Variants in NEBL observed in about 807,000 individuals in gnomAD.
The protein encoded by NEBL is LIM and SH3 protein 2.
NEBL carries 122 observed loss-of-function variants against 140.2 expected under a neutral mutation model. That is an observed-to-expected ratio of 0.87 (90% CI 0.75 to 1.01). NEBL has a LOEUF of 1.01. Ranked by LOEUF, NEBL falls within the 50% of genes least tolerant of loss-of-function variation. The probability of loss-of-function intolerance (pLI) is 0.00; values close to 1 mark genes in which losing one functional copy is unlikely to be tolerated. For synonymous variants in NEBL, 436 were observed against 398.9 expected, an observed-to-expected ratio of 1.09 and a Z score of -1.11; for missense variants, 1,365 against 1,231.3, an observed-to-expected ratio of 1.11 and a Z score of -1.62.
intron 1 of NEBL, among the ~76,000 whole-genome samples, chr10:21,288,288 T>C (rs1843088092): frequency 6.6e-6 from 1 of 151,738 alleles, no homozygotes; most frequent in Non-Finnish European, 1.5e-5. Flanking sequence ...GCCAACATAA[T>C]GAAACCCTGT....
At chr10:21,205,105 G>T (rs539544903) in intron 3 of NEBL, among the ~76,000 whole-genome samples, 6 of 152,276 alleles carry the variant, frequency 3.9e-5, no homozygotes, top group Middle Eastern at 6.8e-3. Context: ...ATGAAAACAA[G>T]AATTTATCAG....
rs547980665 is a variant in NEBL, at chr10:21,215,212, G to A, written n.348+32709C>T. On this transcript the variant is annotated intron_variant and non_coding_transcript_variant, in intron 3 of 8. Transcript: ENST00000675702. ...GCAGTCCCAGCTACTCAGGAGGTAG[G>A]GCAGGAGGATTTCTTGAGGCCAGGA... Among the ~76,000 whole-genome samples, 28 of 152,294 alleles carry A rather than the reference G, an allele frequency of 1.8e-4. 1 individual carries two copies. Among genetic ancestry groups the A allele is most frequent in the African/African-American group, 6.3e-4 (26 of 41,552 alleles).
At chr10:21,076,287 A>G (rs1382406159) in intron 2 of NEBL, among the ~76,000 whole-genome samples, 4 of 151,944 alleles carry the variant, frequency 2.6e-5, no homozygotes, top group Non-Finnish European at 4.4e-5. Flanking sequence ...TACTAAAAAT[A>G]CAAAAAAATT....
chr10:20,828,485 A>G, intron 17 of NEBL, 45 bp downstream of exon 17: 1 of 1,319,416 alleles, frequency 7.6e-7, no homozygotes, highest in Non-Finnish European at 1.1e-6. Context: ...TTCTTACAAA[A>G]CAAAATTTCA....
Position 21,173,625 on chromosome 10 carries a change from G to T in NEBL, c.69+140C>A. 1 of 1,403,562 alleles carries T rather than the reference G, an allele frequency of 7.1e-7. No individual in the cohort carries two copies. Among genetic ancestry groups the T allele is most frequent in the Non-Finnish European group, 9.8e-7 (1 of 1,016,554 alleles). The allele number at this position is 1,403,562 out of a possible 1,614,324, so 86.9% of individuals were successfully genotyped here. A position where few individuals can be genotyped will look rare whatever the true frequency, so the allele number is the denominator to read the frequency against. The stretch of plus-strand genomic sequence containing the variant: ...GACACTCCCGCTGGCGTCTTCGTTC[G>T]CGCGCCCTCCCCCCGTGCCAAGGCA... On this transcript the variant is annotated intron_variant, in intron 1 of 6. Coordinates refer to the NEBL transcript ENST00000417816. The surrounding 1 kb of genome is among the most constrained non-coding windows in gnomAD (Gnocchi z 5.7).
chr10:21,196,074 G>C (rs904740890), intron 3 of NEBL, among the ~76,000 whole-genome samples: 1 of 152,098 alleles, frequency 6.6e-6, no homozygotes, highest in Non-Finnish European at 1.5e-5. Flanking sequence ...CACAATCTCA[G>C]CTCACTGCAA....
intron 2 of NEBL, among the ~76,000 whole-genome samples, chr10:21,154,419 A>C (rs1449816514): frequency 1.3e-5 from 2 of 148,902 alleles, no homozygotes; most frequent in Non-Finnish European, 2.9e-5. Context: ...AAATCGCGCC[A>C]CTGCACTCCA....
intron 1 of NEBL, among the ~76,000 whole-genome samples, chr10:21,288,247 ATCACTAGG>A (rs1052518273): frequency 5.9e-5 from 9 of 152,134 alleles, no homozygotes; most frequent in Non-Finnish European, 8.8e-5. Flanking sequence ...AGGCGGGCGG[ATCACTAGG>A]TCAGGAGTTC....
At chr10:20,989,660 CA>C (rs1008267139) in intron 3 of NEBL, among the ~76,000 whole-genome samples, 64 of 152,142 alleles carry the variant, frequency 4.2e-4, no homozygotes, top group African/African-American at 1.5e-3. Context: ...ATAAATTGAT[CA>C]ACAGAACAAA....
intron 2 of NEBL, among the ~76,000 whole-genome samples, chr10:21,038,252 G>A (rs547547802): frequency 4.6e-5 from 7 of 152,220 alleles, no homozygotes; most frequent in Non-Finnish European, 7.4e-5. Context: ...ATGCAGGTTT[G>A]TTACATAGGT....
intron 3 of NEBL, among the ~76,000 whole-genome samples, chr10:20,987,882 G>A (rs971709813): frequency 2.0e-5 from 3 of 152,040 alleles, no homozygotes; most frequent in South Asian, 2.1e-4. Flanking sequence ...TCCACCTACT[G>A]GAATTGCCCA....
chr10:21,023,700 T>A (rs1353820829), intron 2 of NEBL, among the ~76,000 whole-genome samples: 1 of 151,556 alleles, frequency 6.6e-6, no homozygotes, highest in Non-Finnish European at 1.5e-5. Context: ...ATCTCAAAAA[T>A]AAATAAATAA....
chr10:20,988,990 T>C (rs756511199), intron 3 of NEBL, among the ~76,000 whole-genome samples: 2 of 152,244 alleles, frequency 1.3e-5, no homozygotes, highest in African/African-American at 2.4e-5. Context: ...AATTGGTCCA[T>C]TGAAATTTAC....
In NEBL at chr10:21,034,530, C is replaced by A. The variant is rs117079425; in HGVS notation, c.165-14329G>T. ...TAAGCCTCCTTGCAATACATAGACT[C>A]TACTTATTTGACAATTTGCAGATCA... On this transcript the variant is annotated intron_variant, in intron 2 of 6. Coordinates refer to the NEBL transcript ENST00000417816. Among the ~76,000 whole-genome samples, 44 of 152,302 alleles carry A rather than the reference C, an allele frequency of 2.9e-4. 1 individual carries two copies. In the East Asian group the frequency reaches 8.3e-3, roughly 29 times the overall value.
intron 3 of NEBL, among the ~76,000 whole-genome samples, chr10:21,019,619 T>C (rs759587687): frequency 7.2e-5 from 11 of 152,344 alleles, no homozygotes; most frequent in East Asian, 3.9e-4. Context: ...CGGGAGCCAA[T>C]TGTGGTGTTC....
chr10:21,009,580 A>T (rs1019356214), intron 3 of NEBL, among the ~76,000 whole-genome samples: 2 of 152,230 alleles, frequency 1.3e-5, no homozygotes, highest in African/African-American at 4.8e-5. Flanking sequence ...CTCTCTTCCA[A>T]CATTTTGTAA....
rs1304690759 is a variant in NEBL at position 20,826,457 on chromosome 10, T to C, written c.1859A>G (p.Asn620Ser). 1.9e-6 allele frequency: 3 copies of C among 1,610,058 alleles called. No individual in the cohort carries two copies. Among genetic ancestry groups the C allele is most frequent in the Non-Finnish European group, 2.5e-6 (3 of 1,176,694 alleles). Residue 620 changes from asparagine (N) to serine (S), a missense_variant, in exon 18 of 28, where the codon AAT (asparagine) becomes AGT (serine). Around this residue, in one of 2 missense-constraint regions of NEBL, gnomAD observed 1,323 missense variants for 1,154.8 expected, o/e 1.15. Transcript: ENST00000377122. ...EIERVKKNQQ[N>S]ISSVKYKEEI... ...CTGTAGAGAACTTACTGAACTAATA[T>C]TCTGCTGATTTTTCTTCACTCGTTC... is the stretch of plus-strand genomic sequence containing the variant.
chr10:20,832,799 C>G (rs77236112), intron 14 of NEBL, among the ~76,000 whole-genome samples: 8,742 of 152,202 alleles, frequency 0.057, 357 homozygotes, highest in Middle Eastern at 0.12. Flanking sequence ...CTCCTATCTT[C>G]CACTCATAAT....
intron 3 of NEBL, among the ~76,000 whole-genome samples, chr10:21,229,548 C>T (rs775841265): frequency 4.6e-5 from 7 of 152,206 alleles, no homozygotes; most frequent in Non-Finnish European, 8.8e-5. Context: ...TTATGTCTTA[C>T]GACTGTCTAC....
Sources: gnomAD v4.1 joint callset for allele counts (sites outside exome capture counted in the v4.1 genomes callset) on GRCh38, gnomAD v4.1.1 for gene constraint, gnomAD v4.1.1 regional missense constraint, Gnocchi (gnomAD v3.1) non-coding constraint, MANE v1.5 for transcripts, NCBI Gene and HGNC (gene_info 2026-07-23, HGNC 2026-07-21) for gene names.